EPHA6: variants seen among roughly 807,000 people sequenced by gnomAD.
The protein encoded by EPHA6 is EPH receptor A6.
In EPHA6, 50 loss-of-function variants were observed where a neutral mutation model predicts 112.0. The ratio of observed to expected loss-of-function variants is 0.45; its 90% CI spans 0.36 to 0.56. EPHA6 has a LOEUF of 0.56. Among genes scored for constraint, EPHA6 ranks in the 20% least tolerant of loss-of-function variants. The pLI, the probability that EPHA6 is intolerant of heterozygous loss-of-function variation, is 0.00. For missense variants in EPHA6, 1,280 were observed against 1,417.4 expected, an observed-to-expected ratio of 0.90 and a Z score of 1.56; for synonymous variants, 529 against 490.7, an observed-to-expected ratio of 1.08 and a Z score of -1.03.
At chr3:97,428,327 A>C (rs2089291820) in intron 6 of EPHA6, among the ~76,000 whole-genome samples, 2 of 152,084 alleles carry the variant, frequency 1.3e-5, no homozygotes, top group Admixed American at 1.3e-4. Flanking sequence ...GAGGGAGGAG[A>C]CTGGATAGGG....
At chr3:97,067,908 T>A (rs2046228774) in intron 3 of EPHA6, among the ~76,000 whole-genome samples, 1 of 151,860 alleles carries the variant, frequency 6.6e-6, no homozygotes, top group Admixed American at 6.6e-5. Flanking sequence ...TTTGGGAGGC[T>A]GAGGCAGGTG....
At chr3:97,353,514 T>C (rs1003921493) in intron 5 of EPHA6, among the ~76,000 whole-genome samples, 1 of 150,688 alleles carries the variant, frequency 6.6e-6, no homozygotes, top group East Asian at 2.0e-4. Flanking sequence ...AGTGGTGGGG[T>C]CCATGGGAAG....
chr3:96,825,997 A>C (rs1040286477), intron 1 of EPHA6, among the ~76,000 whole-genome samples: 3 of 151,884 alleles, frequency 2.0e-5, no homozygotes, highest in Non-Finnish European at 4.4e-5. Context: ...CTTTGAATAC[A>C]TCTAGGTTTT....
intron 7 of EPHA6, among the ~76,000 whole-genome samples, chr3:97,452,945 A>C (rs1194749081): frequency 6.6e-6 from 1 of 151,732 alleles, no homozygotes; most frequent in Non-Finnish European, 1.5e-5. Flanking sequence ...ATTAGCCATA[A>C]CTTATAAATT....
At position 97,466,356 on chromosome 3, in the gene EPHA6, C is replaced by T. The variant is rs77516198; in HGVS notation, c.1895-8996C>T. 5,447 of 1,607,344 alleles carry T rather than the reference C, an allele frequency of 3.4e-3. 132 individuals carry two copies. The African/African-American group carries it at 0.053, about 15-fold the overall frequency. On this transcript the variant is annotated intron_variant, in intron 7 of 17. Transcript: ENST00000389672. ...TGGATATATAAAGTCCTGCATCGCCCTGCCCCATATCAGCATTTACATCCA... is the reference window on the plus strand; with the variant it reads ...TGGATATATAAAGTCCTGCATCGCCTTGCCCCATATCAGCATTTACATCCA...
intron 2 of EPHA6, among the ~76,000 whole-genome samples, chr3:96,912,739 C>T (rs1184415817): frequency 6.6e-6 from 1 of 152,000 alleles, no homozygotes; most frequent in African/African-American, 2.4e-5. Flanking sequence ...AGGTGTGTGC[C>T]ACCATGCCCA....
intron 7 of EPHA6, among the ~76,000 whole-genome samples, chr3:97,454,757 C>A (rs1362461708): frequency 6.6e-6 from 1 of 151,872 alleles, no homozygotes; most frequent in Non-Finnish European, 1.5e-5. Flanking sequence ...GAAGCACAAT[C>A]TGTACTGCTT....
chr3:97,009,710 C>G (rs1203318110), intron 3 of EPHA6, among the ~76,000 whole-genome samples: 2 of 152,244 alleles, frequency 1.3e-5, no homozygotes, highest in Non-Finnish European at 2.9e-5. Context: ...GGTTGGGAAG[C>G]TACGCCCCGG....
At chr3:97,525,788 G>C (rs1239800017) in intron 10 of EPHA6, among the ~76,000 whole-genome samples, 1 of 152,170 alleles carries the variant, frequency 6.6e-6, no homozygotes, top group African/African-American at 2.4e-5. Flanking sequence ...GCTGTAGTTG[G>C]TGTGGGTCCC....
chr3:97,190,477 C>G (rs2077272044), intron 3 of EPHA6, among the ~76,000 whole-genome samples: 1 of 152,062 alleles, frequency 6.6e-6, no homozygotes, highest in Non-Finnish European at 1.5e-5. Flanking sequence ...CTGGATTAAA[C>G]TGCAGTTACT....
At chr3:97,517,520 T>C (rs2092466414) in intron 10 of EPHA6, among the ~76,000 whole-genome samples, 1 of 152,164 alleles carries the variant, frequency 6.6e-6, no homozygotes, top group African/African-American at 2.4e-5. Flanking sequence ...TGTGATGTAA[T>C]AGATGTGCAT....
At chr3:97,092,383 G>C (rs1048737482) in intron 3 of EPHA6, among the ~76,000 whole-genome samples, 1 of 151,996 alleles carries the variant, frequency 6.6e-6, no homozygotes, top group South Asian at 2.1e-4. Context: ...AGTCCTGTCA[G>C]TGTATGGATA....
intron 1 of EPHA6, among the ~76,000 whole-genome samples, chr3:96,855,726 CA>C (rs1473850805): frequency 6.8e-6 from 1 of 147,024 alleles, no homozygotes; most frequent in Admixed American, 6.8e-5. Flanking sequence ...TCCTGAAGAA[CA>C]TAAAATTTTG....
intron 3 of EPHA6, among the ~76,000 whole-genome samples, chr3:97,108,360 G>A (rs2047628013): frequency 6.6e-6 from 1 of 152,166 alleles, no homozygotes; most frequent in African/African-American, 2.4e-5. Flanking sequence ...ATTGATATTT[G>A]CAGATTTCAT....
intron 6 of EPHA6, among the ~76,000 whole-genome samples, chr3:97,445,823 C>T (rs554152086): frequency 1.3e-5 from 2 of 152,128 alleles, no homozygotes; most frequent in African/African-American, 4.8e-5. Flanking sequence ...TTTTATCACA[C>T]ATTCAGCAAA....
chr3:96,833,917 C>A (rs1448213320), intron 1 of EPHA6, among the ~76,000 whole-genome samples: 1 of 151,714 alleles, frequency 6.6e-6, no homozygotes, highest in Non-Finnish European at 1.5e-5. Flanking sequence ...ATTATGTACC[C>A]CTAATAAAAT....
intron 5 of EPHA6, among the ~76,000 whole-genome samples, chr3:97,319,430 G>A (rs1331321576): frequency 6.6e-6 from 1 of 151,496 alleles, no homozygotes; most frequent in East Asian, 1.9e-4. Context: ...CACTTTGGGA[G>A]GCTGAGGTGG....
At position 97,657,507 on chromosome 3, in the gene EPHA6, G is replaced by T. The variant is rs111238594; in HGVS notation, c.2784+19425G>T. Among the ~76,000 whole-genome samples the T allele has an allele frequency of 6.0e-3, 904 of 151,860 alleles. 4 individuals carry two copies. The highest frequency in any genetic ancestry group is 0.021 in the African/African-American group (862 of 41,480). ...CATAATATGGTAGAGTAAACAGTAG[G>T]TTATAAACTTGGAGCTGTGATTTTA... On this transcript the variant is annotated intron_variant, in intron 14 of 17. Coordinates refer to ENST00000389672, the MANE Select transcript of EPHA6 (RefSeq NM_001080448.3).
At chr3:97,487,293 T>A (rs1381859143) in intron 10 of EPHA6, among the ~76,000 whole-genome samples, 1 of 152,186 alleles carries the variant, frequency 6.6e-6, no homozygotes, top group Non-Finnish European at 1.5e-5. Context: ...AAAAGCACAA[T>A]ATACAATCAT....
Sources: gnomAD v4.1 joint callset for allele counts (sites outside exome capture counted in the v4.1 genomes callset) on GRCh38, gnomAD v4.1.1 for gene constraint, MANE v1.5 for transcripts, NCBI Gene and HGNC (gene_info 2026-07-23, HGNC 2026-07-21) for gene names.